RAET1L: variants seen among roughly 807,000 people sequenced by gnomAD.
RAET1L encodes retinoic acid early transcript 1L, also known as UL16-binding protein 6.
RAET1L carries 16 observed loss-of-function variants against 23.9 expected under a neutral mutation model. The observed-to-expected ratio is 0.67, with a 90% CI of 0.45 to 1.02. The LOEUF is 1.02. Ranked by LOEUF, RAET1L falls within the 50% of genes least tolerant of loss-of-function variation. The pLI, the probability that RAET1L is intolerant of heterozygous loss-of-function variation, is 0.00. For synonymous variants in RAET1L, 70 were observed against 111.2 expected (o/e 0.63, Z 2.33); for missense variants, 233 against 304.0 (o/e 0.77, Z 1.74).
At position 150,021,048 on chromosome 6, in the gene RAET1L, G is replaced by A. The variant is rs764006995; in HGVS notation, c.488C>T (p.Pro163Leu). The A allele has an allele frequency of 1.2e-6, 2 of 1,614,168 alleles. No homozygotes were observed. Among genetic ancestry groups the A allele is most frequent in the Non-Finnish European group, 1.7e-6 (2 of 1,180,040 alleles). ...CTTTTCTTTCATCTTTCTGGCTCCA[G>A]GATGAACCGTTGTCCACATTCTCTT... Reference protein sequence around the residue: ...SEKRMWTTVHPGARKMKEKWE... With the variant: ...SEKRMWTTVHLGARKMKEKWE... Residue 163 changes from proline to leucine, a missense_variant, in exon 3 of 5, where the codon CCT (proline) becomes CTT (leucine). This residue lies in a region of RAET1L where 139 missense variants were observed against 125.3 expected (regional missense o/e 1.11). Transcript: ENST00000367341.
chr6:150,020,819 T>C, intron 3 of RAET1L, 86 bp downstream of exon 3: 1 of 1,574,778 alleles, frequency 6.4e-7, no homozygotes, highest in Non-Finnish European at 8.6e-7. Context: ...TACACTGGGA[T>C]GATTGAAGCT....
At chr6:150,025,267 G>A (rs1241753500) in intron 1 of RAET1L, 120 bp downstream of exon 1, 1 of 775,634 alleles carries the variant, frequency 1.3e-6, no homozygotes, top group Non-Finnish European at 2.1e-6. Context: ...TGAGCTGGGG[G>A]CGCAGTTCGG....
chr6:150,019,574 T>G lies in RAET1L; in HGVS notation c.*22+534A>C, dbSNP rs545700396. 1.2e-3 allele frequency among the ~76,000 whole-genome samples: 157 copies of G among 135,478 alleles called. 4 individuals carry two copies. Among genetic ancestry groups the G allele is most frequent in the African/African-American group, 4.0e-3 (155 of 38,760 alleles). 88.9% of individuals were successfully genotyped at this position (135,478 alleles called of 152,430 possible). On this transcript the variant is annotated intron_variant, in intron 4 of 4. Transcript: ENST00000367341. ...TCTACTCTTCACCTTCCACCTACTT[T>G]CTGTGGGAAGGCAGCCCTGCACTCC... is the stretch of plus-strand genomic sequence containing the variant.
chr6:150,025,443 AG>A lies in RAET1L; in HGVS notation c.28del (p.Leu10PhefsTer72). On this transcript the variant is annotated frameshift_variant, in exon 1 of 5. Transcript: ENST00000367341. LOFTEE classifies it high-confidence loss of function. The stretch of plus-strand genomic sequence containing the variant: ...CAGGAACAGAAGCGGGAGGCACAGA[AG>A]CAAAGCTGGGATGGCGGCTGCTGCC... MAAAAIPAL[L>X]LCLPLLFLLF... 1 of 1,614,078 alleles carries A rather than the reference AG, an allele frequency of 6.2e-7. No homozygotes were observed. The highest frequency in any genetic ancestry group is 8.5e-7 in the Non-Finnish European group (1 of 1,179,920).
intron 1 of RAET1L, among the ~76,000 whole-genome samples, chr6:150,025,125 C>T (rs1374832421): frequency 1.3e-5 from 2 of 152,204 alleles, no homozygotes; most frequent in Non-Finnish European, 2.9e-5. Flanking sequence ...CCGGGCCCCA[C>T]CTAGCCCTCG....
intron 2 of RAET1L, among the ~76,000 whole-genome samples, chr6:150,021,410 C>A (rs1440878452): frequency 7.4e-6 from 1 of 135,658 alleles, no homozygotes. Context: ...GCGATCTCGG[C>A]TCACTCAGCC....
chr6:150,021,177 G>T lies in RAET1L; in HGVS notation c.359C>A (p.Thr120Asn). The change falls in exon 3 of 5, where the codon ACC becomes AAC. Residue 120 changes from threonine to asparagine, a missense_variant. Thr to Asn is a moderately conservative substitution (Grantham distance 65). Transcript: ENST00000367341. ...LENYTPKEPL[T>N]LQARMSCEQK... is the part of the protein sequence containing the mutation. ...CTCACAAGACATCCTTGCCTGCAGG[G>T]TGAGGGGTTCTGCCCCCATCAGAGA... 6.2e-7 allele frequency: 1 copy of T among 1,612,756 alleles called. No homozygotes were observed. Among genetic ancestry groups the T allele is most frequent in the African/African-American group, 1.3e-5 (1 of 74,950 alleles).
At chr6:150,021,653 T>A (rs1308024974) in intron 2 of RAET1L, among the ~76,000 whole-genome samples, 2 of 127,156 alleles carry the variant, frequency 1.6e-5, no homozygotes, top group African/African-American at 5.7e-5. Context: ...TGGAGTGCAA[T>A]GGCACCACCT....
In RAET1L at chr6:150,018,501, AC is replaced by A. The variant is rs776308340; in HGVS notation, c.*376del. ...GAAGTCTAACATGATTGTTTTACTGACAATCATGTCAGTAATGAAAGAAAGA... is the reference window on the plus strand; with the variant it reads ...GAAGTCTAACATGATTGTTTTACTGAAATCATGTCAGTAATGAAAGAAAGA... On this transcript the variant is annotated 3_prime_UTR_variant, in exon 5 of 5. Coordinates refer to ENST00000367341, the MANE Select transcript of RAET1L (RefSeq NM_130900.3). The A allele has an allele frequency of 1.3e-5, 2 of 152,264 alleles. No individual in the cohort carries two copies. Among genetic ancestry groups the A allele is most frequent in the Non-Finnish European group, 2.9e-5 (2 of 68,066 alleles). The allele number at this position is 152,264 out of a possible 1,614,324, so 9.4% of individuals were successfully genotyped here. A position where few individuals can be genotyped will look rare whatever the true frequency, so the allele number is the denominator to read the frequency against.
chr6:150,023,309 T>C (rs1455634337), intron 1 of RAET1L, among the ~76,000 whole-genome samples: 1 of 151,846 alleles, frequency 6.6e-6, no homozygotes, highest in Non-Finnish European at 1.5e-5. Context: ...GAAACAGAGA[T>C]AAACCAAATC....
chr6:150,019,282 C>T (rs202089145), intron 4 of RAET1L, among the ~76,000 whole-genome samples: 1 of 152,220 alleles, frequency 6.6e-6, no homozygotes, highest in East Asian at 1.9e-4. Context: ...CATCACCTCA[C>T]ACTGGGAGCA....
Position 150,025,482 on chromosome 6 carries a change from G to T in RAET1L, c.-11C>A. Reference sequence around the variant, plus strand: ...GGCGGCTGCTGCCATTGGGGACCAGGAGGGCTGGGGACAAGAGATTTAATC... The same window carrying T: ...GGCGGCTGCTGCCATTGGGGACCAGTAGGGCTGGGGACAAGAGATTTAATC... On this transcript the variant is annotated 5_prime_UTR_variant, in exon 1 of 5. Transcript: ENST00000367341. 1 of 1,609,540 alleles carries T rather than the reference G, an allele frequency of 6.2e-7. No individual in the cohort carries two copies. Among genetic ancestry groups the T allele is most frequent in the Non-Finnish European group, 8.5e-7 (1 of 1,176,022 alleles).
chr6:150,023,872 G>T (rs1374543329), intron 1 of RAET1L, among the ~76,000 whole-genome samples: 1 of 152,296 alleles, frequency 6.6e-6, no homozygotes, highest in Non-Finnish European at 1.5e-5. Context: ...CCCATGACAA[G>T]GCACCAGAAT....
rs1448274893 is a variant in RAET1L, at chr6:150,018,805, C to T, written c.*73G>A. 3.3e-5 allele frequency: 10 copies of T among 300,906 alleles called. 1 individual carries two copies. Among genetic ancestry groups the T allele is most frequent in the South Asian group, 1.8e-4 (6 of 33,792 alleles). 18.6% of individuals were successfully genotyped at this position (300,906 alleles called of 1,614,324 possible). On this transcript the variant is annotated 3_prime_UTR_variant, in exon 5 of 5. Transcript: ENST00000367341. ...GTGGGCAGCTGGCCAGACAGAAGGG[C>T]GAGGTTGATCAAGACCGTGCTCACA... is the stretch of plus-strand genomic sequence containing the variant.
At chr6:150,021,289 G>T (rs1303736546) in intron 2 of RAET1L, 103 bp from the exon 3 acceptor site, 8 of 1,414,140 alleles carry the variant, frequency 5.7e-6, no homozygotes, top group Middle Eastern at 1.8e-4. Context: ...CTACATCTTG[G>T]CCTTGCCTCT....
chr6:150,023,980 A>G (rs1319041884), intron 1 of RAET1L, among the ~76,000 whole-genome samples: 4 of 152,168 alleles, frequency 2.6e-5, no homozygotes, highest in African/African-American at 9.7e-5. Flanking sequence ...TAGGCCCAGC[A>G]GTGAGAAGAT....
At chr6:150,022,731 G>A (rs987680562) in intron 1 of RAET1L, among the ~76,000 whole-genome samples, 3 of 120,878 alleles carry the variant, frequency 2.5e-5, no homozygotes, top group Admixed American at 2.4e-4. Flanking sequence ...TAACATGTTG[G>A]CAAAGCCCCT....
intron 2 of RAET1L, 133 bp downstream of exon 2, chr6:150,021,847 C>T: frequency 7.9e-7 from 1 of 1,260,892 alleles, no homozygotes; most frequent in South Asian, 1.4e-5. Context: ...CCACCTCTAC[C>T]TCACAAAGTG....
intron 1 of RAET1L, among the ~76,000 whole-genome samples, chr6:150,023,416 A>C (rs1056773581): frequency 1.3e-5 from 2 of 151,836 alleles, no homozygotes; most frequent in Non-Finnish European, 1.5e-5. Context: ...TGACTATAAG[A>C]AGACACCAGT....
Sources: gnomAD v4.1 joint callset for allele counts (sites outside exome capture counted in the v4.1 genomes callset) on GRCh38, gnomAD v4.1.1 for gene constraint, gnomAD v4.1.1 regional missense constraint, MANE v1.5 for transcripts, NCBI Gene and HGNC (gene_info 2026-07-23, HGNC 2026-07-21) for gene names.